Variants in ABL2 observed in about 807,000 individuals in gnomAD.
The protein encoded by ABL2 is tyrosine-protein kinase ABL2.
Under a neutral mutation model 107.7 loss-of-function variants are expected in ABL2, and 49 were observed. The observed-to-expected ratio is 0.45, with a 90% CI of 0.36 to 0.58. The LOEUF (loss-of-function observed/expected upper bound fraction) is 0.58. ABL2 is among the 20% of genes least tolerant of loss of function. ABL2 has a pLI of 0.00. For synonymous variants in ABL2, 549 were observed against 548.6 expected (o/e 1.00, Z -0.01); for missense variants, 1,245 against 1,457.0 (o/e 0.85, Z 2.37).
chr1:179,121,759 A>G lies in ABL2; in HGVS notation c.796T>C (p.Cys266Arg). The G allele has an allele frequency of 6.2e-7, 1 of 1,614,040 alleles. No individual in the cohort carries two copies. Among genetic ancestry groups the G allele is most frequent in the Non-Finnish European group, 8.5e-7 (1 of 1,180,004 alleles). ...ACACCATAGACTGTAGGCTTATTACACTTGGGTGCTGGGTAGTGTAATGTT... is the reference window on the plus strand; with the variant it reads ...ACACCATAGACTGTAGGCTTATTACGCTTGGGTGCTGGGTAGTGTAATGTT... Reference protein sequence around the residue: ...VTTLHYPAPKCNKPTVYGVSP... With the variant: ...VTTLHYPAPKRNKPTVYGVSP... The change falls in exon 5 of 12, where the codon TGT becomes CGT. Residue 266 changes from cysteine (C) to arginine (R), a missense_variant. Cys to Arg is a radical substitution (Grantham distance 180, BLOSUM62 -3). Around this residue, in one of 3 missense-constraint regions of ABL2, gnomAD observed 320 missense variants for 547.0 expected, o/e 0.59. Transcript: ENST00000502732.
intron 1 of ABL2, among the ~76,000 whole-genome samples, chr1:179,203,055 T>A (rs1661758782): frequency 1.3e-5 from 2 of 152,206 alleles, no homozygotes; most frequent in African/African-American, 4.8e-5. Context: ...TAGATTGTTG[T>A]CTCCCAGTAG....
rs550042890 is a variant in ABL2, at chr1:179,124,532, G to T, written c.687+1845C>A. ...TGCCCAGGCTGGAGTGCAGTGGCAC[G>T]ATCTTGGCTCACTACAACCTCCACC... On this transcript the variant is annotated intron_variant, in intron 4 of 11. Transcript: ENST00000502732. 5.1e-4 allele frequency among the ~76,000 whole-genome samples: 73 copies of T among 141,778 alleles called. 2 individuals carry two copies. The highest frequency in any genetic ancestry group is 2.2e-3 in the Admixed American group (29 of 13,482). 93.0% of individuals were successfully genotyped at this position (141,778 alleles called of 152,430 possible). A position where few individuals can be genotyped will look rare whatever the true frequency, so the allele number is the denominator to read the frequency against.
chr1:179,175,879 G>A (rs75067329), intron 1 of ABL2, among the ~76,000 whole-genome samples: 9,404 of 143,782 alleles, frequency 0.065, 396 homozygotes, highest in Non-Finnish European at 0.089. Context: ...AGGGGTGTAC[G>A]AGGGCTCCTT....
chr1:179,120,269 A>C lies in ABL2; in HGVS notation c.966T>G (p.Asp322Glu). Residue 322 changes from aspartate to glutamate, a missense_variant, in exon 6 of 12, where the codon GAT becomes GAG. Transcript: ENST00000502732. ...TCAGGAATTCTTCTACCTCCATGGTATCTTCCTAGAAAAAGGGAAAGGTAA... is the reference window on the plus strand; with the variant it reads ...TCAGGAATTCTTCTACCTCCATGGTCTCTTCCTAGAAAAAGGGAAAGGTAA... ...LTVAVKTLKE[D>E]TMEVEEFLKE... is the part of the protein sequence containing the mutation. 1 of 1,604,160 alleles carries C rather than the reference A, an allele frequency of 6.2e-7. No individual in the cohort carries two copies.
At chr1:179,180,130 A>C (rs993689080) in intron 1 of ABL2, among the ~76,000 whole-genome samples, 24 of 151,802 alleles carry the variant, frequency 1.6e-4, no homozygotes, top group African/African-American at 5.8e-4. Flanking sequence ...AAAAAAACAA[A>C]AAAAAAAAGG....
intron 1 of ABL2, among the ~76,000 whole-genome samples, chr1:179,145,752 G>A (rs935812723): frequency 1.1e-4 from 16 of 152,116 alleles, no homozygotes; most frequent in South Asian, 2.1e-4. Flanking sequence ...CTACTGTTAC[G>A]GAAGTCAAAA....
chr1:179,131,299 T>C lies in ABL2; in HGVS notation c.391+12A>G, dbSNP rs377665994. The C allele has an allele frequency of 3.1e-6, 5 of 1,611,396 alleles. No homozygotes were observed. The highest frequency in any genetic ancestry group is 4.2e-6 in the Non-Finnish European group (5 of 1,178,036). On this transcript the variant is annotated intron_variant, in intron 3 of 11. Transcript: ENST00000502732. ...AACTGAAAAGTGAAAGGATGCTACA[T>C]AGAAGCCTCACCTTTAGTGATGCTG...
intron 1 of ABL2, among the ~76,000 whole-genome samples, chr1:179,217,580 C>G (rs1036843744): frequency 6.9e-6 from 1 of 145,100 alleles, no homozygotes; most frequent in Non-Finnish European, 1.5e-5. Context: ...GAGCCTCGAT[C>G]GTGCCATTGC....
chr1:179,229,182 G>T, intron 1 of ABL2, 59 bp downstream of exon 1: 1 of 202,520 alleles, frequency 4.9e-6, no homozygotes, highest in Non-Finnish European at 7.5e-6. Flanking sequence ...CACCCACCCC[G>T]CCCCGACCCC....
intron 1 of ABL2, among the ~76,000 whole-genome samples, chr1:179,134,423 A>C (rs1212206727): frequency 6.6e-6 from 1 of 152,064 alleles, no homozygotes; most frequent in Admixed American, 6.5e-5. Flanking sequence ...GGACTCGGCC[A>C]TGGAGGCTGC....
At chr1:179,110,817 G>A in intron 10 of ABL2, 1 of 1,613,934 alleles carries the variant, frequency 6.2e-7, no homozygotes, top group Non-Finnish European at 8.5e-7. Flanking sequence ...ACAATGTTAT[G>A]CACGTCTGAT....
At chr1:179,135,878 G>A (rs1656891138) in intron 1 of ABL2, among the ~76,000 whole-genome samples, 1 of 147,396 alleles carries the variant, frequency 6.8e-6, no homozygotes, top group Non-Finnish European at 1.5e-5. Flanking sequence ...GGAGGTGAGG[G>A]GGCGCCTCTG....
In ABL2 at chr1:179,108,050, T is replaced by C. The variant is rs1355824743; in HGVS notation, c.3217A>G (p.Lys1073Glu). ...GCTGAGATTTTCTCAGCGGCCTGTT[T>C]GGTTTTTCTCAGAGCCACTTTAGTA... ...AGTKVALRKT[K>E]QAAEKISADK... is the part of the protein sequence containing the mutation. Residue 1073 changes from lysine to glutamate, a missense_variant, in exon 12 of 12, where the codon AAA becomes GAA. By Grantham distance (56) the Lys-to-Glu change is moderately conservative (BLOSUM62 1). This residue lies in a region of ABL2 where 761 missense variants were observed against 766.4 expected (regional missense o/e 0.99). Coordinates refer to ENST00000502732, the MANE Select transcript of ABL2 (RefSeq NM_007314.4). 6.2e-6 allele frequency: 10 copies of C among 1,614,240 alleles called. No homozygotes were observed. The highest frequency in any genetic ancestry group is 1.1e-5 in the South Asian group (1 of 91,088).
intron 1 of ABL2, among the ~76,000 whole-genome samples, chr1:179,159,840 G>A (rs906721194): frequency 3.9e-5 from 6 of 152,184 alleles, no homozygotes; most frequent in African/African-American, 1.4e-4. Context: ...AAGGCTGGGT[G>A]TGGTGCCTCA....
At position 179,121,612 on chromosome 1, in the gene ABL2, C is replaced by G. The variant is rs1295873336; in HGVS notation, c.943G>C (p.Ala315Pro). 1 of 1,613,042 alleles carries G rather than the reference C, an allele frequency of 6.2e-7. No homozygotes were observed. The highest frequency in any genetic ancestry group is 8.5e-7 in the Non-Finnish European group (1 of 1,179,116). The change falls in exon 5 of 12, where the codon GCT becomes CCT. Residue 315 changes from alanine (A) to proline (P), a missense_variant. Ala to Pro is a conservative substitution (Grantham distance 27, BLOSUM62 -1). Coordinates refer to ENST00000502732, the MANE Select transcript of ABL2 (RefSeq NM_007314.4). Reference protein sequence around the residue: ...GVWKKYSLTVAVKTLKEDTME... With the variant: ...GVWKKYSLTVPVKTLKEDTME... ...CAACCCACCTTCAATGTTTTCACAG[C>G]AACTGTAAGGCTGTATTTCTTCCAG...
intron 1 of ABL2, among the ~76,000 whole-genome samples, chr1:179,203,291 T>A (rs1661773027): frequency 6.6e-6 from 1 of 152,238 alleles, no homozygotes; most frequent in Non-Finnish European, 1.5e-5. Context: ...AAGGTTTTCC[T>A]CTCTTCTGTT....
At chr1:179,217,609 G>A (rs1662640077) in intron 1 of ABL2, among the ~76,000 whole-genome samples, 1 of 148,274 alleles carries the variant, frequency 6.7e-6, no homozygotes, top group South Asian at 2.1e-4. Context: ...CTGGGCAACA[G>A]AGCAAGACTC....
chr1:179,110,226 T>A (rs531820454), intron 11 of ABL2, 56 bp downstream of exon 11: 3 of 1,599,608 alleles, frequency 1.9e-6, no homozygotes, highest in African/African-American at 1.3e-5. Flanking sequence ...TCACACCCCA[T>A]GCTTCTTTAA....
chr1:179,117,290 A>C, intron 8 of ABL2, 42 bp downstream of exon 8: 1 of 1,590,256 alleles, frequency 6.3e-7, no homozygotes, highest in Non-Finnish European at 8.6e-7. Flanking sequence ...TTTATAAAAA[A>C]AAAAATAAAA....
Sources: gnomAD v4.1 joint callset for allele counts (sites outside exome capture counted in the v4.1 genomes callset) on GRCh38, gnomAD v4.1.1 for gene constraint, gnomAD v4.1.1 regional missense constraint, MANE v1.5 for transcripts, NCBI Gene and HGNC (gene_info 2026-07-23, HGNC 2026-07-21) for gene names.